LRGUK: variants seen among roughly 807,000 people sequenced by gnomAD.
LRGUK encodes the protein leucine-rich repeat and guanylate kinase domain-containing protein.
LRGUK carries 65 observed loss-of-function variants against 76.0 expected under a neutral mutation model. The observed-to-expected ratio is 0.85, with a 90% CI of 0.70 to 1.05. The LOEUF (loss-of-function observed/expected upper bound fraction) is 1.05, where lower values mean the gene tolerates loss of function less well. Ranked by LOEUF, LRGUK falls within the 50% of genes least tolerant of loss-of-function variation. LRGUK has a pLI of 0.00. For missense variants in LRGUK, 758 were observed against 732.8 expected, an observed-to-expected ratio of 1.03 and a Z score of -0.40; for synonymous variants, 268 against 265.6, an observed-to-expected ratio of 1.01 and a Z score of -0.09.
At chr7:134,215,922 A>C (rs116488918) in intron 15 of LRGUK, among the ~76,000 whole-genome samples, 4,108 of 152,296 alleles carry the variant, frequency 0.027, 132 homozygotes, top group African/African-American at 0.076. Flanking sequence ...CTAATCTTAA[A>C]ACTGATTATG....
chr7:134,134,364 A>G (rs577166369), intron 1 of LRGUK, among the ~76,000 whole-genome samples: 4 of 152,312 alleles, frequency 2.6e-5, no homozygotes, highest in African/African-American at 7.2e-5. Context: ...AGAATTGTGC[A>G]TGTGTGCATG....
chr7:134,224,508 A>G (rs1431092165), intron 16 of LRGUK, among the ~76,000 whole-genome samples: 1 of 152,174 alleles, frequency 6.6e-6, no homozygotes, highest in Non-Finnish European at 1.5e-5. Flanking sequence ...ACACATGGAC[A>G]CATAGAAGGG....
intron 15 of LRGUK, among the ~76,000 whole-genome samples, chr7:134,202,768 C>T (rs532998308): frequency 5.9e-5 from 9 of 152,180 alleles, no homozygotes; most frequent in South Asian, 2.1e-4. Flanking sequence ...GAAAGTAGAA[C>T]GGTAGTTGCC....
At chr7:134,188,417 A>G (rs930076784) in intron 11 of LRGUK, among the ~76,000 whole-genome samples, 2 of 152,206 alleles carry the variant, frequency 1.3e-5, no homozygotes, top group Non-Finnish European at 2.9e-5. Flanking sequence ...GCGTGATCAC[A>G]TTTGCATTTT....
At chr7:134,258,148 C>T in intron 18 of LRGUK, 109 bp from the exon 19 acceptor site, 4 of 1,356,606 alleles carry the variant, frequency 2.9e-6, no homozygotes, top group Non-Finnish European at 4.1e-6. Context: ...CCACTAACTA[C>T]TGTGAACTTG....
At chr7:134,207,398 T>C (rs1011174929) in intron 15 of LRGUK, among the ~76,000 whole-genome samples, 4 of 152,238 alleles carry the variant, frequency 2.6e-5, no homozygotes, top group African/African-American at 9.6e-5. Context: ...ACAGTTTTAT[T>C]TTTCAATTTA....
At chr7:134,128,861 C>A (rs996369367) in intron 1 of LRGUK, among the ~76,000 whole-genome samples, 6 of 145,060 alleles carry the variant, frequency 4.1e-5, no homozygotes, top group African/African-American at 1.7e-4. Flanking sequence ...AATTTGCTTC[C>A]TTTCTTTCAA....
chr7:134,275,268 CT>C, the LRGUK span, among the ~76,000 whole-genome samples: 1 of 151,972 alleles, frequency 6.6e-6, no homozygotes, highest in Non-Finnish European at 1.5e-5. Flanking sequence ...ATTTATGTTA[CT>C]GCAATTCTCT....
At chr7:134,179,416 A>G (rs754385385) in intron 10 of LRGUK, among the ~76,000 whole-genome samples, 2 of 152,204 alleles carry the variant, frequency 1.3e-5, no homozygotes, top group African/African-American at 2.4e-5. Context: ...TTGCTCCTGT[A>G]CTTCACATGG....
At chr7:134,163,633 G>C in intron 7 of LRGUK, 93 bp downstream of exon 7, 1 of 1,131,456 alleles carries the variant, frequency 8.8e-7, no homozygotes. Flanking sequence ...GGTTTCTTAA[G>C]GGCGGACACA....
At chr7:134,159,136 G>A (rs115486525) in intron 6 of LRGUK, among the ~76,000 whole-genome samples, 3,444 of 151,876 alleles carry the variant, frequency 0.023, 128 homozygotes, top group African/African-American at 0.08. Context: ...CCAGGAGTTC[G>A]AGACCAGCCT....
downstream of LRGUK, among the ~76,000 whole-genome samples, chr7:134,214,588 G>A (rs980348094): frequency 4.6e-5 from 7 of 152,072 alleles, no homozygotes; most frequent in Non-Finnish European, 8.8e-5. Context: ...TTTAATTAGA[G>A]GAAACTATTT....
chr7:134,148,129 G>T, intron 4 of LRGUK, 109 bp from the exon 5 acceptor site: 14 of 620,830 alleles, frequency 2.3e-5, no homozygotes, highest in East Asian at 6.6e-5. Context: ...TTTCAGTAAT[G>T]AATTCTAACT....
Position 134,263,403 on chromosome 7 carries a change from C to CTGTGTG in LRGUK, c.2348-432_2348-427dup, listed in dbSNP as rs6150361. 9.7e-4 allele frequency among the ~76,000 whole-genome samples: 138 copies of CTGTGTG among 142,272 alleles called. 1 individual carries two copies. Among genetic ancestry groups the CTGTGTG allele is most frequent in the African/African-American group, 3.8e-3 (135 of 35,152 alleles). 93.3% of individuals were successfully genotyped at this position (142,272 alleles called of 152,430 possible). On this transcript the variant is annotated intron_variant, in intron 19 of 19. Coordinates refer to the LRGUK transcript ENST00000285928. ...CTTCTATAGGAAGAACTTCACTTCA[C>CTGTGTG]TGTGTGTGTGTGTGTCTGTGTGCAT...
downstream of LRGUK, among the ~76,000 whole-genome samples, chr7:134,211,252 T>C (rs1395481700): frequency 6.6e-6 from 1 of 152,224 alleles, no homozygotes; most frequent in Admixed American, 6.5e-5. Context: ...ATTGAGCCAT[T>C]CTGGAAGGCT....
At chr7:134,233,165 A>C (rs1801941098) in intron 16 of LRGUK, among the ~76,000 whole-genome samples, 1 of 152,170 alleles carries the variant, frequency 6.6e-6, no homozygotes, top group South Asian at 2.1e-4. Flanking sequence ...GTTATACTTC[A>C]GTCTCCCTCC....
chr7:134,167,844 GGCCTCTCCA>G (rs1188997552), intron 7 of LRGUK, among the ~76,000 whole-genome samples: 4 of 152,128 alleles, frequency 2.6e-5, no homozygotes, highest in African/African-American at 9.7e-5. Context: ...GACCCCGTCT[GGCCTCTCCA>G]GCACCCCCTC....
intron 16 of LRGUK, among the ~76,000 whole-genome samples, chr7:134,246,019 C>G (rs1248213498): frequency 2.0e-5 from 3 of 152,034 alleles, no homozygotes; most frequent in African/African-American, 7.2e-5. Flanking sequence ...ACACAGAGCT[C>G]AGGGAAAAAG....
chr7:134,235,485 T>A (rs1408701225), intron 16 of LRGUK, among the ~76,000 whole-genome samples: 1 of 152,228 alleles, frequency 6.6e-6, no homozygotes, highest in East Asian at 1.9e-4. Flanking sequence ...CTGCAACCTG[T>A]ATCTCCTACT....
Sources: gnomAD v4.1 joint callset for allele counts (sites outside exome capture counted in the v4.1 genomes callset) on GRCh38, gnomAD v4.1.1 for gene constraint, MANE v1.5 for transcripts, NCBI Gene and HGNC (gene_info 2026-07-23, HGNC 2026-07-21) for gene names.